Variants in DGKH observed in about 807,000 individuals in gnomAD.
DGKH encodes diacylglycerol kinase eta, also known as DAG kinase eta.
Under a neutral mutation model 159.3 loss-of-function variants are expected in DGKH, and 90 were observed. The observed-to-expected ratio is 0.57, with a 90% CI of 0.48 to 0.67. DGKH has a LOEUF of 0.67. Among genes scored for constraint, DGKH ranks in the 30% least tolerant of loss-of-function variants. The probability of loss-of-function intolerance (pLI) is 0.00; values close to 1 mark genes in which losing one functional copy is unlikely to be tolerated. For synonymous variants in DGKH, 536 were observed against 553.8 expected, an observed-to-expected ratio of 0.97 and a Z score of 0.45; for missense variants, 1,181 against 1,506.1, an observed-to-expected ratio of 0.78 and a Z score of 3.57.
chr13:42,116,329 G>A (rs1168071859), intron 1 of DGKH, among the ~76,000 whole-genome samples: 1 of 152,188 alleles, frequency 6.6e-6, no homozygotes, highest in African/African-American at 2.4e-5. Context: ...AGAAGAGACA[G>A]GAAAGAAGTG....
At chr13:42,043,937 C>G (rs367631274), upstream of DGKH, 4 of 151,944 alleles carry the variant, frequency 2.6e-5, no homozygotes, top group East Asian at 7.8e-4. Flanking sequence ...TGGGCTCAAG[C>G]AATTCTCCTA....
At chr13:42,096,264 T>C (rs2137760840) in intron 1 of DGKH, among the ~76,000 whole-genome samples, 1 of 152,008 alleles carries the variant, frequency 6.6e-6, no homozygotes, top group African/African-American at 2.4e-5. Flanking sequence ...TAGTAGTCCT[T>C]AGTGTCTGTT....
In DGKH at chr13:42,238,430, T is replaced by C. The variant is rs554828917; in HGVS notation, c.*9242T>C. 4 of 152,192 alleles carry C rather than the reference T, an allele frequency of 2.6e-5. No individual in the cohort carries two copies. Among genetic ancestry groups the C allele is most frequent in the Non-Finnish European group, 5.9e-5 (4 of 68,012 alleles). 9.4% of individuals were successfully genotyped at this position (152,192 alleles called of 1,614,324 possible). A position where few individuals can be genotyped will look rare whatever the true frequency, so the allele number is the denominator to read the frequency against. On this transcript the variant is annotated 3_prime_UTR_variant, in exon 30 of 30. Coordinates refer to ENST00000337343, the MANE Select transcript of DGKH (RefSeq NM_178009.5). ...TAAAATCTTCAAAAATTTTGAATAG[T>C]TTCATTTTTTCAATACTTAAGCCAA...
rs1206654764 is a variant in DGKH, at chr13:42,237,878, C to T, written c.*8690C>T. On this transcript the variant is annotated 3_prime_UTR_variant, in exon 30 of 30. Transcript: ENST00000337343. ...ATACCCTGCAGACCAAGGAGATTTT[C>T]TTAAACTTGCTAAGCCTTTCTTAAA... is the stretch of plus-strand genomic sequence containing the variant. The T allele has an allele frequency of 6.6e-6, 1 of 152,198 alleles. No homozygotes were observed. The highest frequency in any genetic ancestry group is 2.4e-5 in the African/African-American group (1 of 41,448). 9.4% of individuals were successfully genotyped at this position (152,198 alleles called of 1,614,324 possible). A position where few individuals can be genotyped will look rare whatever the true frequency, so the allele number is the denominator to read the frequency against.
At chr13:42,106,020 T>C (rs1300413226) in intron 1 of DGKH, among the ~76,000 whole-genome samples, 2 of 152,108 alleles carry the variant, frequency 1.3e-5, no homozygotes, top group Non-Finnish European at 1.5e-5. Context: ...TAATTTTTTT[T>C]ATTTTGAGAC....
chr13:42,070,306 AC>A, intron 1 of DGKH: 3 of 1,300,758 alleles, frequency 2.3e-6, no homozygotes, highest in Non-Finnish European at 3.4e-6. Flanking sequence ...AACTGGAATT[AC>A]GCTGAGAAGC....
rs528912774 is a variant in DGKH at position 42,131,741 on chromosome 13, G to C, written c.384+2109G>C. ...GAACAAACAAATGAATTGATCCAGG[G>C]TTGGTGGTTTATAGGGCATATTGGA... is the stretch of plus-strand genomic sequence containing the variant. On this transcript the variant is annotated intron_variant, in intron 3 of 29. Transcript: ENST00000337343. Among the ~76,000 whole-genome samples the C allele has an allele frequency of 8.7e-4, 133 of 152,272 alleles. 1 individual carries two copies. Among genetic ancestry groups the C allele is most frequent in the African/African-American group, 3.0e-3 (126 of 41,554 alleles).
chr13:42,103,092 A>C (rs938373016), intron 1 of DGKH, among the ~76,000 whole-genome samples: 9 of 152,340 alleles, frequency 5.9e-5, no homozygotes, highest in South Asian at 2.1e-4. Flanking sequence ...CCTTTCCAGA[A>C]GAAGTCTGCA....
rs143295575 is a variant in DGKH, at chr13:42,106,152, C to T, written c.193-21311C>T. Among the ~76,000 whole-genome samples the T allele has an allele frequency of 4.3e-3, 649 of 152,148 alleles. 5 individuals carry two copies. Among genetic ancestry groups the T allele is most frequent in the African/African-American group, 0.015 (624 of 41,508 alleles). ...CCTCCTGAGTAGCTGGAATTACAGG[C>T]GTGTACCACCATGCCTGGCTAGTTT... On this transcript the variant is annotated intron_variant, in intron 1 of 29. Coordinates refer to ENST00000337343, the MANE Select transcript of DGKH (RefSeq NM_178009.5).
At position 42,173,964 on chromosome 13, in the gene DGKH, CGTGTGTGTGTGTGTGTGT is replaced by C. The variant is rs1555270275; in HGVS notation, c.1368-94_1368-77del. On this transcript the variant is annotated intron_variant, in intron 11 of 29. Coordinates refer to ENST00000337343, the MANE Select transcript of DGKH (RefSeq NM_178009.5). ...GAATGTGTGTGTGTGTGTGTGCGTG[CGTGTGTGTGTGTGTGTGT>C]GCGCGTTTATGAGATGCTAACAGTT... The C allele has an allele frequency of 1.3e-4, 77 of 604,396 alleles. No individual in the cohort carries two copies. In the South Asian group the frequency reaches 1.4e-3, roughly 11 times the overall value. The allele number at this position is 604,396 out of a possible 1,614,324, so 37.4% of individuals were successfully genotyped here. A position where few individuals can be genotyped will look rare whatever the true frequency, so the allele number is the denominator to read the frequency against.
rs963241567 is a variant in DGKH, at chr13:42,149,436, A to G, written c.385-5855A>G. On this transcript the variant is annotated intron_variant, in intron 3 of 29. Coordinates refer to ENST00000337343, the MANE Select transcript of DGKH (RefSeq NM_178009.5). ...TACTCCACTGAAATTAGTTTCACTT[A>G]TCTGTGTTTCCCCATTGGACTGTGA... Among the ~76,000 whole-genome samples the G allele has an allele frequency of 9.8e-5, 15 of 152,316 alleles. No individual in the cohort carries two copies. The East Asian group carries it at 2.9e-3, about 29-fold the overall frequency.
intron 1 of DGKH, among the ~76,000 whole-genome samples, chr13:42,089,528 T>G (rs2137742478): frequency 6.6e-6 from 1 of 152,310 alleles, no homozygotes; most frequent in Admixed American, 6.5e-5. Flanking sequence ...CTGGAGGCTC[T>G]GGGAAGAGAA....
intron 1 of DGKH, among the ~76,000 whole-genome samples, chr13:42,053,646 G>A (rs1444582265): frequency 6.8e-6 from 1 of 147,862 alleles, no homozygotes; most frequent in Non-Finnish European, 1.5e-5. Flanking sequence ...TTGAGACGGA[G>A]TCTTACTCTG....
intron 7 of DGKH, 148 bp downstream of exon 7, chr13:42,160,284 C>A: frequency 9.1e-7 from 1 of 1,095,352 alleles, no homozygotes; most frequent in Non-Finnish European, 1.3e-6. Flanking sequence ...TCTTTCCTTA[C>A]AGTATAGTCC....
chr13:42,057,953 G>GT (rs1417188404), intron 1 of DGKH, among the ~76,000 whole-genome samples: 1 of 151,952 alleles, frequency 6.6e-6, no homozygotes, highest in Non-Finnish European at 1.5e-5. Context: ...GCTGAAGGGG[G>GT]TTGGGGGGAA....
At chr13:42,219,409 C>T in intron 27 of DGKH, 60 bp downstream of exon 27, 1 of 1,572,484 alleles carries the variant, frequency 6.4e-7, no homozygotes, top group Non-Finnish European at 8.6e-7. Flanking sequence ...AGAATTTGAA[C>T]TCATCTTTGA....
At chr13:42,107,696 C>T (rs1438660396) in intron 1 of DGKH, among the ~76,000 whole-genome samples, 1 of 152,098 alleles carries the variant, frequency 6.6e-6, no homozygotes, top group Non-Finnish European at 1.5e-5. Flanking sequence ...CCGGGTAAGG[C>T]AGCCCCGCTG....
In DGKH at chr13:42,108,618, G is replaced by A. The variant is rs11842541; in HGVS notation, c.193-18845G>A. 6.5e-3 allele frequency among the ~76,000 whole-genome samples: 991 copies of A among 152,290 alleles called. 10 individuals are homozygous for A. Among genetic ancestry groups the A allele is most frequent in the African/African-American group, 0.023 (946 of 41,536 alleles). On this transcript the variant is annotated intron_variant, in intron 1 of 29. Transcript: ENST00000337343. The stretch of plus-strand genomic sequence containing the variant: ...ATGTACTTGAGTTTCAGGTGGTGAC[G>A]GCATCTCTAAGTGGAGATGTCAGGC...
chr13:42,092,569 G>A (rs546693500), intron 1 of DGKH, among the ~76,000 whole-genome samples: 36 of 152,276 alleles, frequency 2.4e-4, no homozygotes, highest in African/African-American at 8.4e-4. Flanking sequence ...ATAGAGAGTG[G>A]AATGGTGGTT....
Sources: allele counts gnomAD v4.1 joint callset (sites outside exome capture counted in the v4.1 genomes callset), GRCh38; gene constraint gnomAD v4.1.1; transcripts MANE v1.5; gene names NCBI Gene and HGNC (gene_info 2026-07-23, HGNC 2026-07-21).